The following ADGRB3 variants were observed in gnomAD, a reference collection of about 807,000 sequenced individuals.
ADGRB3 encodes the protein adhesion G protein-coupled receptor B3, also known as brain-specific angiogenesis inhibitor 3.
ADGRB3 carries 37 observed loss-of-function variants against 193.4 expected under a neutral mutation model. That is an observed-to-expected ratio of 0.19 (90% CI 0.15 to 0.25). The LOEUF (loss-of-function observed/expected upper bound fraction) is 0.25. Among genes scored for constraint, ADGRB3 ranks in the 10% least tolerant of loss-of-function variants. The probability of loss-of-function intolerance (pLI) is 1.00; values close to 1 mark genes in which losing one functional copy is unlikely to be tolerated. For missense variants in ADGRB3, 1,637 were observed against 1,852.9 expected (o/e 0.88, Z 2.14); for synonymous variants, 690 against 644.2 (o/e 1.07, Z -1.08).
intron 13 of ADGRB3, among the ~76,000 whole-genome samples, chr6:69,030,982 T>TTTTCTTTCTTTTCC: frequency 3.7e-5 from 3 of 80,688 alleles, no homozygotes; most frequent in African/African-American, 1.1e-4. Flanking sequence ...TTTTCTTTTC[T>TTTTCTTTCTTTTCC]TTTCTTTTCT....
intron 17 of ADGRB3, among the ~76,000 whole-genome samples, chr6:69,171,489 A>G (rs1385643958): frequency 6.6e-6 from 1 of 152,162 alleles, no homozygotes; most frequent in Non-Finnish European, 1.5e-5. Flanking sequence ...TCCATTTGCT[A>G]TGGGGTAAGG....
chr6:68,755,127 G>A (rs926462734), intron 3 of ADGRB3, among the ~76,000 whole-genome samples: 5 of 152,316 alleles, frequency 3.3e-5, no homozygotes, highest in Middle Eastern at 3.4e-3. Flanking sequence ...ATTAATGAAA[G>A]TAAAGCTGAG....
At chr6:69,368,363 G>A (rs1424419755) in intron 29 of ADGRB3, among the ~76,000 whole-genome samples, 2 of 152,120 alleles carry the variant, frequency 1.3e-5, no homozygotes, top group Non-Finnish European at 2.9e-5. Flanking sequence ...AGTGGAGATA[G>A]AAAACAGTGG....
chr6:69,155,951 A>G (rs1205885555), intron 17 of ADGRB3, among the ~76,000 whole-genome samples: 5 of 152,096 alleles, frequency 3.3e-5, no homozygotes, highest in Admixed American at 3.3e-4. Flanking sequence ...ATTTGTTCTT[A>G]TGTTTCTTAT....
chr6:69,060,220 T>TTCTCTCTCTCTCTCTCTCTCTCTCTCTC (rs556453350), intron 15 of ADGRB3, among the ~76,000 whole-genome samples: 19 of 129,608 alleles, frequency 1.5e-4, no homozygotes, highest in South Asian at 2.5e-4. Flanking sequence ...CTCTCTCTCT[T>TTCTCTCTCTCTCTCTCTCTCTCTCTCTC]TCTCTCTCTC....
chr6:68,884,465 C>G (rs974830901), intron 3 of ADGRB3, among the ~76,000 whole-genome samples: 1 of 151,902 alleles, frequency 6.6e-6, no homozygotes, highest in Non-Finnish European at 1.5e-5. Context: ...GGCTGAAACC[C>G]GGGGAGTGAG....
At chr6:68,874,418 C>G (rs1765536648) in intron 3 of ADGRB3, among the ~76,000 whole-genome samples, 1 of 152,042 alleles carries the variant, frequency 6.6e-6, no homozygotes, top group Non-Finnish European at 1.5e-5. Flanking sequence ...ATTATAGACT[C>G]AAACACACTT....
At chr6:69,253,510 T>C (rs1379671111) in intron 20 of ADGRB3, among the ~76,000 whole-genome samples, 1 of 152,056 alleles carries the variant, frequency 6.6e-6, no homozygotes, top group African/African-American at 2.4e-5. Context: ...TGTGACCAAT[T>C]AGATGAGGAT....
At chr6:69,186,414 T>C (rs1463977528) in intron 17 of ADGRB3, among the ~76,000 whole-genome samples, 2 of 152,074 alleles carry the variant, frequency 1.3e-5, no homozygotes, top group Non-Finnish European at 2.9e-5. Context: ...AGATGGAACA[T>C]ATGCTTATTT....
intron 3 of ADGRB3, among the ~76,000 whole-genome samples, chr6:68,849,870 A>G (rs929593507): frequency 6.6e-6 from 1 of 151,806 alleles, no homozygotes; most frequent in African/African-American, 2.4e-5. Context: ...TCATAGCAGA[A>G]AATAAACCAA....
At chr6:69,328,802 G>T (rs1243090049) in intron 22 of ADGRB3, among the ~76,000 whole-genome samples, 3 of 152,064 alleles carry the variant, frequency 2.0e-5, no homozygotes, top group African/African-American at 7.2e-5. Context: ...AGCATAGATG[G>T]CACAGTACTG....
At chr6:68,924,968 C>T (rs1182611272) in intron 3 of ADGRB3, among the ~76,000 whole-genome samples, 4 of 150,764 alleles carry the variant, frequency 2.7e-5, no homozygotes, top group African/African-American at 9.7e-5. Context: ...AGTTTTCTTC[C>T]CTCATCTATT....
At chr6:68,770,469 C>G (rs1766597094) in intron 3 of ADGRB3, among the ~76,000 whole-genome samples, 1 of 152,102 alleles carries the variant, frequency 6.6e-6, no homozygotes, top group South Asian at 2.1e-4. Context: ...ATCCACACTA[C>G]TGACACCATA....
At chr6:68,808,350 G>A (rs997082560) in intron 3 of ADGRB3, among the ~76,000 whole-genome samples, 1 of 151,482 alleles carries the variant, frequency 6.6e-6, no homozygotes, top group African/African-American at 2.4e-5. Context: ...CATCGGAACA[G>A]TTCTCGGACT....
chr6:68,701,433 ACACT>A (rs1765240899), intron 3 of ADGRB3, among the ~76,000 whole-genome samples: 1 of 152,174 alleles, frequency 6.6e-6, no homozygotes, highest in South Asian at 2.1e-4. Flanking sequence ...GAATCCAGTC[ACACT>A]CAATACAGGG....
chr6:69,287,839 G>A (rs1052818390), intron 20 of ADGRB3, among the ~76,000 whole-genome samples: 1 of 152,106 alleles, frequency 6.6e-6, no homozygotes, highest in African/African-American at 2.4e-5. Context: ...TTCCATAACT[G>A]AGAAATTCTG....
chr6:68,772,880 AAC>A (rs1355241641), intron 3 of ADGRB3, among the ~76,000 whole-genome samples: 659 of 19,846 alleles, frequency 0.033, 11 homozygotes, highest in Non-Finnish European at 0.043. Context: ...CAAACAAACA[AAC>A]AAAAAAAAAA....
At chr6:68,882,884 G>GT (rs145658478) in intron 3 of ADGRB3, among the ~76,000 whole-genome samples, 273 of 149,294 alleles carry the variant, frequency 1.8e-3, no homozygotes, top group African/African-American at 4.4e-3. Context: ...TCTATTACTA[G>GT]TTTTTTTTTT....
At chr6:69,177,692 C>A (rs1775464835) in intron 17 of ADGRB3, among the ~76,000 whole-genome samples, 1 of 152,140 alleles carries the variant, frequency 6.6e-6, no homozygotes, top group Admixed American at 6.5e-5. Context: ...TTGTTGTTTA[C>A]CCAAAAGTCA....
Sources: allele counts gnomAD v4.1 joint callset (sites outside exome capture counted in the v4.1 genomes callset), GRCh38; gene constraint gnomAD v4.1.1; transcripts MANE v1.5; gene names NCBI Gene and HGNC (gene_info 2026-07-23, HGNC 2026-07-21).